The following GRIP1 variants were observed in gnomAD, a reference collection of about 807,000 sequenced individuals.
GRIP1 encodes the protein glutamate receptor-interacting protein 1.
In GRIP1, 45 loss-of-function variants were observed where a neutral mutation model predicts 129.9. The ratio of observed to expected loss-of-function variants is 0.35; its 90% CI spans 0.27 to 0.44. The LOEUF is 0.44. Among genes scored for constraint, GRIP1 ranks in the 20% least tolerant of loss-of-function variants. The pLI, the probability that GRIP1 is intolerant of heterozygous loss-of-function variation, is 1.00. For missense variants in GRIP1, 1,196 were observed against 1,396.8 expected, an observed-to-expected ratio of 0.86 and a Z score of 2.29; for synonymous variants, 530 against 520.8, an observed-to-expected ratio of 1.02 and a Z score of -0.24.
intron 1 of GRIP1, among the ~76,000 whole-genome samples, chr12:66,715,471 T>TGTGTGTGTGTGTGTGTGAGAGA (rs761155485): frequency 3.3e-4 from 36 of 110,128 alleles, no homozygotes; most frequent in African/African-American, 8.5e-4. Flanking sequence ...TGTGTGTGTG[T>TGTGTGTGTGTGTGTGTGAGAGA]GAGAGAGAGA....
intron 1 of GRIP1, among the ~76,000 whole-genome samples, chr12:66,998,964 A>G (rs1243688806): frequency 1.3e-5 from 2 of 151,976 alleles, no homozygotes; most frequent in African/African-American, 4.8e-5. Flanking sequence ...TTTTCTTCTC[A>G]CCTCATTTGA....
In GRIP1 at chr12:66,382,900, G is replaced by A. The variant is rs2056180617; in HGVS notation, c.2465-3464C>T. Among the ~76,000 whole-genome samples, 3 of 152,180 alleles carry A rather than the reference G, an allele frequency of 2.0e-5. No homozygotes were observed. The South Asian group carries it at 6.2e-4, about 31-fold the overall frequency. ...CACTAATATGGAAGGACAGAGACAGGTTTGGGGATTAGAAGGTGGGTCATG... is the reference window on the plus strand; with the variant it reads ...CACTAATATGGAAGGACAGAGACAGATTTGGGGATTAGAAGGTGGGTCATG... On this transcript the variant is annotated intron_variant, in intron 19 of 24. Transcript: ENST00000359742.
At chr12:66,977,386 T>A (rs1409852164) in intron 1 of GRIP1, among the ~76,000 whole-genome samples, 1 of 152,136 alleles carries the variant, frequency 6.6e-6, no homozygotes, top group Non-Finnish European at 1.5e-5. Flanking sequence ...GCACATTAAG[T>A]TCTATAACAT....
intron 2 of GRIP1, among the ~76,000 whole-genome samples, chr12:66,554,811 G>A (rs2062266107): frequency 6.6e-6 from 1 of 152,176 alleles, no homozygotes; most frequent in Admixed American, 6.5e-5. Flanking sequence ...TCCTCTGCCT[G>A]TGGAAAGCAG....
chr12:66,725,996 A>G (rs1156734090), intron 1 of GRIP1, among the ~76,000 whole-genome samples: 2 of 152,168 alleles, frequency 1.3e-5, no homozygotes, highest in African/African-American at 2.4e-5. Context: ...TCAAAACCAG[A>G]AACAGATCTA....
intron 2 of GRIP1, among the ~76,000 whole-genome samples, chr12:66,565,779 T>C (rs1467261159): frequency 6.6e-6 from 1 of 152,228 alleles, no homozygotes; most frequent in Non-Finnish European, 1.5e-5. Context: ...TTTCCATTTG[T>C]TTGTGTCCTC....
chr12:66,756,263 C>T (rs576973832), intron 1 of GRIP1, among the ~76,000 whole-genome samples: 30 of 152,268 alleles, frequency 2.0e-4, no homozygotes, highest in African/African-American at 5.8e-4. Flanking sequence ...AGACACCTCA[C>T]GTGAGTGCAA....
chr12:66,348,939 C>A lies in GRIP1; in HGVS notation c.*80G>T. 1 of 992,158 alleles carries A rather than the reference C, an allele frequency of 1.0e-6. No homozygotes were observed. The highest frequency in any genetic ancestry group is 2.4e-5 in the East Asian group (1 of 42,154). 61.5% of individuals were successfully genotyped at this position (992,158 alleles called of 1,614,324 possible). A position where few individuals can be genotyped will look rare whatever the true frequency, so the allele number is the denominator to read the frequency against. ...ATGCCACGTTGATTGATTATCTGTGCTTCAAAGGTCACAGAAATCTTAAAG... is the reference window on the plus strand; with the variant it reads ...ATGCCACGTTGATTGATTATCTGTGATTCAAAGGTCACAGAAATCTTAAAG... On this transcript the variant is annotated 3_prime_UTR_variant, in exon 25 of 25. Transcript: ENST00000359742.
intron 1 of GRIP1, among the ~76,000 whole-genome samples, chr12:66,845,254 C>A (rs1011760437): frequency 2.0e-5 from 3 of 152,114 alleles, no homozygotes; most frequent in Non-Finnish European, 2.9e-5. Context: ...GTCAGGAGTT[C>A]AAGACCAGCC....
intron 1 of GRIP1, among the ~76,000 whole-genome samples, chr12:66,838,109 C>G (rs2039649340): frequency 6.6e-6 from 1 of 151,324 alleles, no homozygotes; most frequent in African/African-American, 2.4e-5. Flanking sequence ...TCGCTTGAAC[C>G]CGGAAGGCAG....
chr12:66,804,063 C>T (rs1385654726), exon 1 of GRIP1: 4 of 454,886 alleles, frequency 8.8e-6, no homozygotes, highest in African/African-American at 4.0e-5. Context: ...TTCGAAAATG[C>T]TCTGAAGCGT....
chr12:66,572,741 C>A (rs1428850241), intron 2 of GRIP1, among the ~76,000 whole-genome samples: 2 of 152,114 alleles, frequency 1.3e-5, no homozygotes, highest in Non-Finnish European at 2.9e-5. Flanking sequence ...CTGAATACCC[C>A]CAGTGTGAGA....
chr12:66,567,686 A>G, intron 2 of GRIP1: 1 of 219,280 alleles, frequency 4.6e-6, no homozygotes, highest in Non-Finnish European at 9.9e-6. Context: ...CCCCTGTTGC[A>G]TATTTTGCAT....
At chr12:67,012,672 A>G (rs1043033848) in intron 1 of GRIP1, among the ~76,000 whole-genome samples, 1 of 152,204 alleles carries the variant, frequency 6.6e-6, no homozygotes, top group African/African-American at 2.4e-5. Context: ...GCTAAGGTAA[A>G]GAGACAGAAC....
rs1421194583 is a variant in GRIP1, at chr12:66,599,064, T to G, written c.56-2137A>C. Among the ~76,000 whole-genome samples the G allele has an allele frequency of 3.3e-5, 5 of 152,174 alleles. No individual in the cohort carries two copies. In the East Asian group the frequency reaches 9.6e-4, roughly 29 times the overall value. ...GAAAACAACTTCCTTGATTTAGAAC[T>G]GAGATAGTCTAGTTGAGCACATCTT... On this transcript the variant is annotated intron_variant, in intron 1 of 24. Transcript: ENST00000359742.
intron 6 of GRIP1, among the ~76,000 whole-genome samples, 191 bp downstream of exon 6, chr12:66,517,710 T>C (rs2060886981): frequency 6.6e-6 from 1 of 152,162 alleles, no homozygotes; most frequent in African/African-American, 2.4e-5. Context: ...AAAGATATAG[T>C]AAGTATAGAA....
intron 7 of GRIP1, among the ~76,000 whole-genome samples, chr12:66,475,754 A>G (rs562432100): frequency 7.7e-4 from 117 of 152,296 alleles, no homozygotes; most frequent in Non-Finnish European, 8.1e-4. Flanking sequence ...AATGAAGGCA[A>G]AAATAAAGAT....
At chr12:67,026,538 A>G (rs2042944174) in intron 1 of GRIP1, among the ~76,000 whole-genome samples, 1 of 152,190 alleles carries the variant, frequency 6.6e-6, no homozygotes. Context: ...CTAGTAAGTA[A>G]TCAATAAATG....
chr12:66,928,028 A>C (rs568031108), intron 1 of GRIP1, among the ~76,000 whole-genome samples: 6 of 152,222 alleles, frequency 3.9e-5, no homozygotes, highest in Non-Finnish European at 8.8e-5. Flanking sequence ...TTTAAGAAAA[A>C]TGAAGACACA....
Sources: allele counts gnomAD v4.1 joint callset (sites outside exome capture counted in the v4.1 genomes callset), GRCh38; gene constraint gnomAD v4.1.1; transcripts MANE v1.5; gene names NCBI Gene and HGNC (gene_info 2026-07-23, HGNC 2026-07-21).